The following CLSTN2 variants were observed in gnomAD, a reference collection of about 807,000 sequenced individuals.
CLSTN2 encodes the protein calsyntenin-2.
CLSTN2 carries 48 observed loss-of-function variants against 101.2 expected under a neutral mutation model. That is an observed-to-expected ratio of 0.47 (90% CI 0.38 to 0.60). The LOEUF (loss-of-function observed/expected upper bound fraction) is 0.60, where lower values mean the gene tolerates loss of function less well. CLSTN2 is among the 20% of genes least tolerant of loss of function. The pLI is 0.00. For missense variants in CLSTN2, 1,160 were observed against 1,238.2 expected (o/e 0.94, Z 0.95); for synonymous variants, 481 against 463.6 (o/e 1.04, Z -0.48).
At chr3:140,313,099 A>G (rs1412089285) in intron 2 of CLSTN2, among the ~76,000 whole-genome samples, 2 of 152,238 alleles carry the variant, frequency 1.3e-5, no homozygotes, top group African/African-American at 4.8e-5. Context: ...TGGGGATATA[A>G]AGATGGCTGA....
chr3:140,149,515 G>A (rs2009830272), intron 1 of CLSTN2, among the ~76,000 whole-genome samples: 1 of 152,030 alleles, frequency 6.6e-6, no homozygotes, highest in Non-Finnish European at 1.5e-5. Flanking sequence ...GAGTGCAGTG[G>A]CACGATCTTG....
chr3:140,365,247 C>T (rs2087773219), intron 2 of CLSTN2, among the ~76,000 whole-genome samples: 1 of 152,186 alleles, frequency 6.6e-6, no homozygotes, highest in South Asian at 2.1e-4. Context: ...TAAATGCTGC[C>T]TCCTAAAATA....
At position 140,448,442 on chromosome 3, in the gene CLSTN2, T is replaced by C. The variant is rs892881827; in HGVS notation, c.788-77T>C. ...GGGGCAAATAATTCGTTGGAACAAA[T>C]TCACATTTCTAAAAGAAATGTTCCA... On this transcript the variant is annotated intron_variant, in intron 5 of 16. Transcript: ENST00000458420. 5 of 1,257,002 alleles carry C rather than the reference T, an allele frequency of 4.0e-6. No homozygotes were observed. In the African/African-American group the frequency reaches 7.4e-5, roughly 19 times the overall value. The allele number at this position is 1,257,002 out of a possible 1,614,324, so 77.9% of individuals were successfully genotyped here.
Position 140,205,489 on chromosome 3 carries a change from A to G in CLSTN2, c.232+29416A>G, listed in dbSNP as rs149073211. ...GAGGAAGACAATTTCCAGGTGCTAC[A>G]TGGTTCACAAAAGGTGGGAATATGG... On this transcript the variant is annotated intron_variant, in intron 2 of 16. Coordinates refer to ENST00000458420, the MANE Select transcript of CLSTN2 (RefSeq NM_022131.3). 5.2e-3 allele frequency among the ~76,000 whole-genome samples: 786 copies of G among 152,314 alleles called. 5 individuals carry two copies. Among genetic ancestry groups the G allele is most frequent in the African/African-American group, 0.018 (741 of 41,572 alleles).
chr3:140,227,312 G>A (rs971078712), intron 2 of CLSTN2, among the ~76,000 whole-genome samples: 51 of 152,352 alleles, frequency 3.3e-4, no homozygotes, highest in African/African-American at 1.2e-3. Context: ...CTGCAATCCA[G>A]CAGGGCAGTC....
intron 2 of CLSTN2, among the ~76,000 whole-genome samples, chr3:140,297,159 T>C (rs1016104208): frequency 1.3e-5 from 2 of 152,328 alleles, no homozygotes; most frequent in African/African-American, 4.8e-5. Context: ...CAATTTGTTG[T>C]GTTTGTTTGC....
intron 1 of CLSTN2, among the ~76,000 whole-genome samples, chr3:139,936,199 A>G (rs181318417): frequency 2.8e-4 from 43 of 152,274 alleles, no homozygotes; most frequent in African/African-American, 9.9e-4. Flanking sequence ...GCTAGATCCA[A>G]GCGAACGCCT....
At position 140,258,267 on chromosome 3, in the gene CLSTN2, T is replaced by C. The variant is rs1005179672; in HGVS notation, c.232+82194T>C. ...TGGAAACTTCCATCTTCCAATTTGC[T>C]AATTCCAGATGCGCATTGACTTTCT... On this transcript the variant is annotated intron_variant, in intron 2 of 16. Coordinates refer to ENST00000458420, the MANE Select transcript of CLSTN2 (RefSeq NM_022131.3). Among the ~76,000 whole-genome samples, 4 of 152,238 alleles carry C rather than the reference T, an allele frequency of 2.6e-5. 1 individual carries two copies. Among genetic ancestry groups the C allele is most frequent in the Non-Finnish European group, 1.5e-5 (1 of 68,042 alleles).
In CLSTN2 at chr3:140,128,887, A is replaced by G. The variant is rs1274485766; in HGVS notation, c.110-47064A>G. On this transcript the variant is annotated intron_variant, in intron 1 of 16. Transcript: ENST00000458420. ...TCCGGTTCAGAGACCTTGGCAGCAG[A>G]AGGGGGCAGAGCTGAGTGGATAATG... is the stretch of plus-strand genomic sequence containing the variant. Among the ~76,000 whole-genome samples the G allele has an allele frequency of 2.0e-5, 3 of 152,104 alleles. No individual in the cohort carries two copies. The East Asian group carries it at 5.8e-4, about 29-fold the overall frequency.
intron 2 of CLSTN2, among the ~76,000 whole-genome samples, chr3:140,246,206 C>T (rs945691975): frequency 6.6e-6 from 1 of 152,162 alleles, no homozygotes; most frequent in African/African-American, 2.4e-5. Flanking sequence ...AGTTGAGTAT[C>T]ATTTTTAATT....
rs1366353367 is a variant in CLSTN2, at chr3:140,476,597, G to A, written c.1344+9866G>A. Among the ~76,000 whole-genome samples, 3 of 151,772 alleles carry A rather than the reference G, an allele frequency of 2.0e-5. No individual in the cohort carries two copies. The East Asian group carries it at 5.8e-4, about 29-fold the overall frequency. On this transcript the variant is annotated intron_variant, in intron 8 of 16. Coordinates refer to ENST00000458420, the MANE Select transcript of CLSTN2 (RefSeq NM_022131.3). ...CCCTAAATGTTTAGAACCAGGCATG[G>A]ATGTCCATCCAGAAACAGATTTCAA...
chr3:140,411,644 A>G (rs985731017), intron 4 of CLSTN2, among the ~76,000 whole-genome samples: 5 of 152,254 alleles, frequency 3.3e-5, no homozygotes, highest in Admixed American at 6.5e-5. Context: ...TTCTCCAGGA[A>G]GATCACATAT....
rs1985275478 is a variant in CLSTN2 at position 140,566,926 on chromosome 3, C to T, written c.*673C>T. 6.6e-6 allele frequency: 1 copy of T among 152,580 alleles called. No individual in the cohort carries two copies. Among genetic ancestry groups the T allele is most frequent in the Non-Finnish European group, 1.5e-5 (1 of 68,382 alleles). The allele number at this position is 152,580 out of a possible 1,614,324, so 9.5% of individuals were successfully genotyped here. Reference sequence around the variant, plus strand: ...CAAACCAAGAATAGGTCCTTGGCCACAAGCAGGGTCTGATCCCCCATCAGA... The same window carrying T: ...CAAACCAAGAATAGGTCCTTGGCCATAAGCAGGGTCTGATCCCCCATCAGA... On this transcript the variant is annotated 3_prime_UTR_variant, in exon 17 of 17. Transcript: ENST00000458420.
intron 2 of CLSTN2, among the ~76,000 whole-genome samples, chr3:140,237,263 C>T (rs1253450649): frequency 6.6e-6 from 1 of 152,126 alleles, no homozygotes; most frequent in Admixed American, 6.6e-5. Flanking sequence ...ATAATTTGTT[C>T]CCACTACTGA....
At chr3:140,340,260 T>A (rs1231153391) in intron 2 of CLSTN2, among the ~76,000 whole-genome samples, 2 of 152,264 alleles carry the variant, frequency 1.3e-5, no homozygotes, top group Non-Finnish European at 2.9e-5. Context: ...TGTTCTAATG[T>A]ACTTCGTACA....
intron 1 of CLSTN2, among the ~76,000 whole-genome samples, chr3:140,058,029 G>A (rs1049290424): frequency 4.6e-5 from 7 of 151,990 alleles, no homozygotes; most frequent in African/African-American, 1.5e-4. Flanking sequence ...GATGATGAAC[G>A]GTCCATTTCA....
intron 1 of CLSTN2, among the ~76,000 whole-genome samples, chr3:140,030,184 G>A (rs1002933469): frequency 3.9e-5 from 6 of 152,068 alleles, no homozygotes; most frequent in Admixed American, 2.0e-4. Context: ...CTTGCAATGT[G>A]CCAGGTGCTG....
intron 1 of CLSTN2, among the ~76,000 whole-genome samples, chr3:140,131,918 G>C (rs972629006): frequency 6.6e-6 from 1 of 152,008 alleles, no homozygotes; most frequent in Non-Finnish European, 1.5e-5. Context: ...TGGCAGATGG[G>C]GAATTAATGT....
chr3:140,421,093 C>T, intron 4 of CLSTN2, 32 bp from the exon 5 acceptor site: 1 of 1,605,494 alleles, frequency 6.2e-7, no homozygotes, highest in Non-Finnish European at 8.5e-7. Flanking sequence ...TTAAATTGAC[C>T]TGAAATGCTT....
Sources: allele counts gnomAD v4.1 joint callset (sites outside exome capture counted in the v4.1 genomes callset), GRCh38; gene constraint gnomAD v4.1.1; transcripts MANE v1.5; gene names NCBI Gene and HGNC (gene_info 2026-07-23, HGNC 2026-07-21).